The following SELENOS variants were observed in gnomAD, a reference collection of about 807,000 sequenced individuals.
SELENOS encodes the protein selenoprotein S.
Under a neutral mutation model 30.2 loss-of-function variants are expected in SELENOS, and 37 were observed. That is an observed-to-expected ratio of 1.23 (90% CI 0.94 to 1.61). The LOEUF (loss-of-function observed/expected upper bound fraction) is 1.61. Among genes scored for constraint, SELENOS ranks in the 40% most tolerant of loss-of-function variants. SELENOS has a pLI of 0.00. For missense variants in SELENOS, 289 were observed against 231.8 expected, an observed-to-expected ratio of 1.25 and a Z score of -1.60; for synonymous variants, 119 against 91.6, an observed-to-expected ratio of 1.30 and a Z score of -1.71.
chr15:101,274,828 G>C, intron 3 of SELENOS, 147 bp from the exon 4 acceptor site: 1 of 857,892 alleles, frequency 1.2e-6, no homozygotes, highest in Non-Finnish European at 1.8e-6. Context: ...GTTGTGATCT[G>C]GTAGTGTGAG....
intron 5 of SELENOS, chr15:101,274,196 G>A (rs1463670141): frequency 1.5e-5 from 9 of 591,668 alleles, no homozygotes; most frequent in South Asian, 4.1e-5. Context: ...CTCCCTCTAC[G>A]GGGCTGCAGA....
chr15:101,276,036 C>T (rs1312098264), intron 2 of SELENOS, among the ~76,000 whole-genome samples: 1 of 151,468 alleles, frequency 6.6e-6, no homozygotes, highest in Non-Finnish European at 1.5e-5. Flanking sequence ...ATTTCTCCTG[C>T]CTCAGCCACC....
chr15:101,276,754 G>A, intron 1 of SELENOS, 79 bp from the exon 2 acceptor site: 1 of 1,516,100 alleles, frequency 6.6e-7, no homozygotes, highest in East Asian at 2.3e-5. Context: ...CAAACACAAA[G>A]TGTAACTCCT....
chr15:101,271,339 C>T (rs2039266586), downstream of SELENOS: 5 of 152,216 alleles, frequency 3.3e-5, no homozygotes, highest in Admixed American at 2.0e-4. Flanking sequence ...GGAGCCAATC[C>T]AGTTACACAC....
At chr15:101,277,277 C>G in intron 1 of SELENOS, 65 bp downstream of exon 1, 2 of 1,521,824 alleles carry the variant, frequency 1.3e-6, no homozygotes, top group East Asian at 2.5e-5. Flanking sequence ...GGCGGACGAC[C>G]CACCCATCAT....
Position 101,272,704 on chromosome 15 carries a change from G to A in SELENOS, c.*67C>T, listed in dbSNP as rs892665763. On this transcript the variant is annotated 3_prime_UTR_variant, in exon 6 of 6. Transcript: ENST00000526049. ...TGGCTAGTCACTGTGAAAAGCGTGC[G>A]TAAGGCAATTGAATCGAGGGTTAAG... is the stretch of plus-strand genomic sequence containing the variant. 1.4e-5 allele frequency: 21 copies of A among 1,498,750 alleles called. No individual in the cohort carries two copies. Among genetic ancestry groups the A allele is most frequent in the East Asian group, 7.3e-5 (3 of 40,822 alleles). 92.8% of individuals were successfully genotyped at this position (1,498,750 alleles called of 1,614,324 possible). A position where few individuals can be genotyped will look rare whatever the true frequency, so the allele number is the denominator to read the frequency against.
intron 1 of SELENOS, 136 bp from the exon 2 acceptor site, chr15:101,276,811 T>A: frequency 2.9e-6 from 3 of 1,047,190 alleles, no homozygotes; most frequent in Non-Finnish European, 4.1e-6. Flanking sequence ...GCCTCCTAAG[T>A]AGATCGTTAA....
rs2039301707 is a variant in SELENOS, at chr15:101,274,492, C to T, written c.412G>A (p.Glu138Lys). 1.2e-6 allele frequency: 2 copies of T among 1,608,166 alleles called. No homozygotes were observed. Among genetic ancestry groups the T allele is most frequent in the Non-Finnish European group, 8.5e-7 (1 of 1,177,014 alleles). ...YKGNAKKPQE[E>K]DSPGPSTSSV... ...GAAGTGGAAGGCCCAGGACTGTCTT[C>T]CTCCTGTTTGAACACACACAGTAGT... Residue 138 changes from glutamate to lysine, a missense_variant, in exon 5 of 6, where the codon GAA becomes AAA. Transcript: ENST00000526049.
Position 101,276,562 on chromosome 15 carries a change from C to T in SELENOS, c.190G>A (p.Asp64Asn). The change falls in exon 2 of 6, where the codon GAC (aspartate) becomes AAC (asparagine). Residue 64 changes from aspartate to asparagine, a missense_variant. Coordinates refer to ENST00000526049, the MANE Select transcript of SELENOS (RefSeq NM_018445.6). ...TAACCCACAGCAGCCGCAGCTCGGT[C>T]CAGCTGCCTCTGCCTCAAGGCTCTT... ...RLRALRQRQLDRAAAAVEPDV... is the reference protein window; with the variant it reads ...RLRALRQRQLNRAAAAVEPDV... The T allele has an allele frequency of 6.2e-7, 1 of 1,612,138 alleles. No homozygotes were observed. The highest frequency in any genetic ancestry group is 8.5e-7 in the Non-Finnish European group (1 of 1,179,330).
chr15:101,277,161 C>T, intron 1 of SELENOS, 181 bp downstream of exon 1: 1 of 1,071,898 alleles, frequency 9.3e-7, no homozygotes, highest in Non-Finnish European at 1.4e-6. Context: ...GGAAGTGCGG[C>T]TCCCGAGAAG....
chr15:101,276,893 G>A (rs1017769139), intron 1 of SELENOS: 18 of 574,316 alleles, frequency 3.1e-5, no homozygotes, highest in African/African-American at 1.7e-4. Flanking sequence ...CTGGGGAGTC[G>A]GGGGCAGTTA....
At chr15:101,275,650 T>G (rs554170517) in intron 2 of SELENOS, among the ~76,000 whole-genome samples, 2 of 152,178 alleles carry the variant, frequency 1.3e-5, no homozygotes, top group African/African-American at 4.8e-5. Flanking sequence ...AAGCCTGGGA[T>G]AGTGGCCACA....
At chr15:101,275,455 T>C (rs371393842) in intron 2 of SELENOS, 94 bp from the exon 3 acceptor site, 3 of 1,018,744 alleles carry the variant, frequency 2.9e-6, no homozygotes, top group Non-Finnish European at 4.1e-6. Context: ...TAAAGAGGTA[T>C]GGATATCAGA....
chr15:101,271,284 A>T (rs1429493469), downstream of SELENOS: 1 of 152,222 alleles, frequency 6.6e-6, no homozygotes, highest in Non-Finnish European at 1.5e-5. Context: ...AAATATTTTA[A>T]TCCAAGTATA....
chr15:101,274,860 T>C, intron 3 of SELENOS, 179 bp from the exon 4 acceptor site: 3 of 701,300 alleles, frequency 4.3e-6, no homozygotes, highest in Non-Finnish European at 7.0e-6. Context: ...TAGAGCAGCT[T>C]TGGTTTTTGT....
At chr15:101,273,405 T>C (rs564229834) in intron 5 of SELENOS, among the ~76,000 whole-genome samples, 5 of 152,342 alleles carry the variant, frequency 3.3e-5, no homozygotes, top group African/African-American at 1.2e-4. Flanking sequence ...ATGTTACTTT[T>C]ACTCCTTACT....
At chr15:101,274,759 C>G in intron 3 of SELENOS, 78 bp from the exon 4 acceptor site, 1 of 1,391,390 alleles carries the variant, frequency 7.2e-7, no homozygotes, top group Non-Finnish European at 9.7e-7. Flanking sequence ...TCTGATAATT[C>G]TTAATTTAAA....
At chr15:101,273,309 C>G (rs573684963) in intron 5 of SELENOS, among the ~76,000 whole-genome samples, 18 of 152,300 alleles carry the variant, frequency 1.2e-4, no homozygotes, top group African/African-American at 4.1e-4. Context: ...CCCCCAACCA[C>G]CCCACTCCCT....
intron 3 of SELENOS, 102 bp from the exon 4 acceptor site, chr15:101,274,783 A>T: frequency 8.3e-7 from 1 of 1,210,380 alleles, no homozygotes; most frequent in Non-Finnish European, 1.1e-6. Context: ...CTTTCAGAAC[A>T]AACTTCACCC....
Sources: allele counts gnomAD v4.1 joint callset (sites outside exome capture counted in the v4.1 genomes callset), GRCh38; gene constraint gnomAD v4.1.1; transcripts MANE v1.5; gene names NCBI Gene and HGNC (gene_info 2026-07-23, HGNC 2026-07-21).